The following PRKDC variants were observed in gnomAD, a reference collection of about 807,000 sequenced individuals.
PRKDC encodes the protein DNA-dependent protein kinase catalytic subunit.
Under a neutral mutation model 486.9 loss-of-function variants are expected in PRKDC, and 82 were observed. That is an observed-to-expected ratio of 0.17 (90% confidence interval 0.14 to 0.20). The LOEUF (loss-of-function observed/expected upper bound fraction) is 0.20, where lower values mean the gene tolerates loss of function less well. Ranked by LOEUF, PRKDC falls within the 10% of genes least tolerant of loss-of-function variation. The pLI is 1.00. For missense variants in PRKDC, 4,504 were observed against 5,038.2 expected (o/e 0.89, Z 3.21); for synonymous variants, 1,895 against 1,837.0 (o/e 1.03, Z -0.81).
chr8:47,888,226 A>G (rs2089378246), intron 34 of PRKDC, among the ~76,000 whole-genome samples: 1 of 152,198 alleles, frequency 6.6e-6, no homozygotes, highest in African/African-American at 2.4e-5. Context: ...TCTTGCCACA[A>G]AGGCACAACA....
intron 67 of PRKDC, among the ~76,000 whole-genome samples, chr8:47,819,174 T>C (rs760644147): frequency 2.0e-5 from 3 of 152,208 alleles, no homozygotes; most frequent in Middle Eastern, 3.2e-3. Context: ...TTCATTAAGG[T>C]AAGCAACATG....
At chr8:47,930,862 A>G in intron 16 of PRKDC, 75 bp from the exon 17 acceptor site, 15 of 1,392,698 alleles carry the variant, frequency 1.1e-5, no homozygotes, top group Non-Finnish European at 1.5e-5. Context: ...TTTCCAACTG[A>G]CTTCATGGTC....
intron 4 of PRKDC, among the ~76,000 whole-genome samples, chr8:47,954,826 G>C (rs981370440): frequency 6.6e-6 from 1 of 152,114 alleles, no homozygotes; most frequent in Non-Finnish European, 1.5e-5. Context: ...AACAGAAACA[G>C]GTCACAGTGA....
intron 76 of PRKDC, among the ~76,000 whole-genome samples, chr8:47,788,460 G>A (rs930280175): frequency 1.3e-5 from 2 of 152,192 alleles, no homozygotes; most frequent in Non-Finnish European, 2.9e-5. Context: ...GAGCAGTTTT[G>A]TCACATAACC....
intron 25 of PRKDC, among the ~76,000 whole-genome samples, chr8:47,907,907 A>G (rs2089821178): frequency 6.6e-6 from 1 of 152,162 alleles, no homozygotes. Flanking sequence ...ACGTAAACAT[A>G]TGCACTCTAC....
intron 10 of PRKDC, 122 bp from the exon 11 acceptor site, chr8:47,939,819 T>C: frequency 1.1e-6 from 1 of 881,982 alleles, no homozygotes; most frequent in East Asian, 2.8e-5. Flanking sequence ...ACGCAATTGC[T>C]TTTAATCATA....
At position 47,855,237 on chromosome 8, in the gene PRKDC, A is replaced by G; in HGVS notation, c.6746T>C (p.Leu2249Ser). The G allele has an allele frequency of 2.5e-6, 4 of 1,603,206 alleles. No homozygotes were observed. Among genetic ancestry groups the G allele is most frequent in the Non-Finnish European group, 8.5e-7 (1 of 1,174,540 alleles). The change falls in exon 50 of 86, where the codon TTA becomes TCA. Residue 2249 changes from leucine (L) to serine (S), a missense_variant. Coordinates refer to ENST00000314191, the MANE Select transcript of PRKDC (RefSeq NM_006904.7). ...KTLVECWKDCLSIPYRLIFEK... is the reference protein window; with the variant it reads ...KTLVECWKDCSSIPYRLIFEK... ...GTAAACATACCTATAAGGGATGGAT[A>G]AACAATCCTTCCAGCACTCGACAAG...
intron 68 of PRKDC, among the ~76,000 whole-genome samples, chr8:47,813,247 A>G (rs2087372761): frequency 6.6e-6 from 1 of 151,886 alleles, no homozygotes. Context: ...CCTCCTGAGT[A>G]GCTGGGACTA....
At chr8:47,831,970 A>T (rs760084761) in intron 59 of PRKDC, 44 bp from the exon 60 acceptor site, 2 of 1,542,288 alleles carry the variant, frequency 1.3e-6, no homozygotes, top group Admixed American at 3.4e-5. Flanking sequence ...CCGCCCAGAC[A>T]CTTGGCTCTG....
Position 47,890,291 on chromosome 8 carries a change from G to A in PRKDC, c.4037C>T (p.Thr1346Met), listed in dbSNP as rs374428626. 8.1e-6 allele frequency: 13 copies of A among 1,612,178 alleles called. No individual in the cohort carries two copies. The highest frequency in any genetic ancestry group is 6.7e-5 in the African/African-American group (5 of 74,840). ...TVVVRIMEFTTTLLNTSPEGW... is the reference protein window; with the variant it reads ...TVVVRIMEFTMTLLNTSPEGW... ...TTCCGGGGAGGTGTTTAGCAGAGTC[G>A]TGGTAAACTCCATAATCCGGACCAC... The change falls in exon 32 of 86, where the codon ACG (threonine) becomes ATG (methionine). Residue 1346 changes from threonine (T) to methionine (M), a missense_variant. By Grantham distance (81) the Thr-to-Met change is moderately conservative. This residue lies in a region of PRKDC where 1,969 missense variants were observed against 2,068.9 expected (regional missense o/e 0.95). Transcript: ENST00000314191.
At chr8:47,886,710 C>T (rs891855487) in intron 35 of PRKDC, among the ~76,000 whole-genome samples, 2 of 151,962 alleles carry the variant, frequency 1.3e-5, no homozygotes, top group Non-Finnish European at 2.9e-5. Context: ...TTTTTAAAGA[C>T]AGGGTGTCAC....
At position 47,953,888 on chromosome 8, in the gene PRKDC, T is replaced by G; in HGVS notation, c.540A>C (p.Leu180Phe). 1 of 1,559,926 alleles carries G rather than the reference T, an allele frequency of 6.4e-7. No individual in the cohort carries two copies. Among genetic ancestry groups the G allele is most frequent in the South Asian group, 1.2e-5 (1 of 84,550 alleles). Residue 180 changes from leucine to phenylalanine, a missense_variant, in exon 6 of 86, where the codon TTA (leucine) becomes TTC (phenylalanine). Around this residue, in one of 6 missense-constraint regions of PRKDC, gnomAD observed 1,969 missense variants for 2,068.9 expected, o/e 0.95. Coordinates refer to ENST00000314191, the MANE Select transcript of PRKDC (RefSeq NM_006904.7). Reference sequence around the variant, plus strand: ...TCTCACTAGGATGAACTTCACCCAATAATCCTAGGAGCTCATATACTTTTT... The same window carrying G: ...TCTCACTAGGATGAACTTCACCCAAGAATCCTAGGAGCTCATATACTTTTT... ...VLEKVYELLG[L>F]LGEVHPSEMI...
chr8:47,959,715 C>T (rs963266855), intron 1 of PRKDC, among the ~76,000 whole-genome samples: 1 of 152,168 alleles, frequency 6.6e-6, no homozygotes, highest in African/African-American at 2.4e-5. Flanking sequence ...CCCTGCCCCC[C>T]ACTCTGCATA....
Position 47,782,362 on chromosome 8 carries a change from G to A in PRKDC, c.11396+16C>T, listed in dbSNP as rs753872935. On this transcript the variant is annotated intron_variant, in intron 79 of 85. Coordinates refer to ENST00000314191, the MANE Select transcript of PRKDC (RefSeq NM_006904.7). This position sits in a 1 kb window ranked among gnomAD's most constrained non-coding sequence, Gnocchi z 4.9. Reference sequence around the variant, plus strand: ...ATATGCAGCAGCCTACTGGCTGGGAGCAGCCTGGCAGTTACCTGGAGGTCA... The same window carrying A: ...ATATGCAGCAGCCTACTGGCTGGGAACAGCCTGGCAGTTACCTGGAGGTCA... 2 of 1,606,972 alleles carry A rather than the reference G, an allele frequency of 1.2e-6. No homozygotes were observed. The highest frequency in any genetic ancestry group is 1.7e-4 in the Middle Eastern group (1 of 6,052).
rs532339131 is a variant in PRKDC at position 47,829,244 on chromosome 8, T to C, written c.8398-897A>G. ...GTGCTGCTTTTTGGGATCATGTTCT[T>C]TTTTCATGTCTAAGACCTATTTTAA... On this transcript the variant is annotated intron_variant, in intron 61 of 85. Coordinates refer to ENST00000314191, the MANE Select transcript of PRKDC (RefSeq NM_006904.7). 1.4e-4 allele frequency among the ~76,000 whole-genome samples: 21 copies of C among 152,348 alleles called. No homozygotes were observed. The South Asian group carries it at 4.4e-3, about 32-fold the overall frequency.
rs771049204 is a variant in PRKDC, at chr8:47,935,044, T to C, written c.1462A>G (p.Ile488Val). 7 of 1,523,030 alleles carry C rather than the reference T, an allele frequency of 4.6e-6. No homozygotes were observed. Among genetic ancestry groups the C allele is most frequent in the African/African-American group, 1.4e-5 (1 of 72,102 alleles). The allele number at this position is 1,523,030 out of a possible 1,614,324, so 94.3% of individuals were successfully genotyped here. Residue 488 changes from isoleucine (I) to valine (V), a missense_variant, in exon 14 of 86, where the codon ATC becomes GTC. Ile to Val is a conservative substitution (Grantham distance 29). Transcript: ENST00000314191. ...CISTVVHQGL[I>V]RICSKPVVLP... ...ACCACTGGTTTAGAACATATTCTGA[T>C]TAAACCCTGATGCACTGAAAAAAGA...
chr8:47,882,219 T>A, intron 36 of PRKDC, 122 bp from the exon 37 acceptor site: 1 of 913,752 alleles, frequency 1.1e-6, no homozygotes, highest in South Asian at 1.8e-5. Context: ...TAATAGATGT[T>A]TATCTACTTC....
In PRKDC at chr8:47,955,941, C is replaced by G. The variant is rs761335595; in HGVS notation, c.332G>C (p.Cys111Ser). ...APYSVEIKNT[C>S]TSVYTKDRAA... ...TCTATCTTTTGTATAAACACTGGTA[C>G]AAGTGTTCTAGGTTTTAAAAAAAAA... is the stretch of plus-strand genomic sequence containing the variant. The change falls in exon 4 of 86, where the codon TGT becomes TCT. Residue 111 changes from cysteine (C) to serine (S), a missense_variant. Physicochemically the swap from Cys to Ser is moderately radical, Grantham distance 112. This residue lies in a region of PRKDC where 12 missense variants were observed against 31.1 expected (regional missense o/e 0.39). Coordinates refer to ENST00000314191, the MANE Select transcript of PRKDC (RefSeq NM_006904.7). 1 of 1,596,242 alleles carries G rather than the reference C, an allele frequency of 6.3e-7. No homozygotes were observed. Among genetic ancestry groups the G allele is most frequent in the Non-Finnish European group, 8.6e-7 (1 of 1,167,978 alleles).
intron 77 of PRKDC, 25 bp downstream of exon 77, chr8:47,785,088 T>C: frequency 6.2e-7 from 1 of 1,608,246 alleles, no homozygotes; most frequent in Non-Finnish European, 8.5e-7. Flanking sequence ...CAGTACAGTT[T>C]TGTCACCCCT....
Sources: allele counts gnomAD v4.1 joint callset (sites outside exome capture counted in the v4.1 genomes callset), GRCh38; gene constraint gnomAD v4.1.1; regional missense constraint gnomAD v4.1.1; non-coding constraint Gnocchi (gnomAD v3.1); transcripts MANE v1.5; gene names NCBI Gene and HGNC (gene_info 2026-07-23, HGNC 2026-07-21).